RHBDL3: variants seen among roughly 807,000 people sequenced by gnomAD.
RHBDL3 encodes the protein rhomboid-related protein 3.
In RHBDL3, 28 loss-of-function variants were observed where a neutral mutation model predicts 48.2. That is an observed-to-expected ratio of 0.58 (90% confidence interval 0.43 to 0.80). The LOEUF is 0.80. Ranked by LOEUF, RHBDL3 falls within the 30% of genes least tolerant of loss-of-function variation. RHBDL3 has a pLI of 0.00. For synonymous variants in RHBDL3, 208 were observed against 232.3 expected (o/e 0.90, Z 0.95); for missense variants, 464 against 542.7 (o/e 0.85, Z 1.44).
intron 2 of RHBDL3, among the ~76,000 whole-genome samples, chr17:32,273,597 C>T (rs141734444): frequency 6.6e-6 from 1 of 152,216 alleles, no homozygotes; most frequent in South Asian, 2.1e-4. Flanking sequence ...TACCTTCCCC[C>T]CTACGTTGTT....
chr17:32,282,479 A>T (rs971335710), intron 2 of RHBDL3, among the ~76,000 whole-genome samples: 3 of 152,094 alleles, frequency 2.0e-5, no homozygotes, highest in African/African-American at 7.2e-5. Context: ...AGGTGAGAGG[A>T]TTGCCGAGCC....
At chr17:32,273,328 A>G (rs889474501) in intron 2 of RHBDL3, among the ~76,000 whole-genome samples, 4 of 152,200 alleles carry the variant, frequency 2.6e-5, no homozygotes, top group South Asian at 4.1e-4. Flanking sequence ...CAAATGAGGA[A>G]ACAGAAGTCA....
chr17:32,316,289 T>C lies in RHBDL3; in HGVS notation c.940T>C (p.Cys314Arg). ...GCTGCGGATGGCTGTGGCCCTTATC[T>C]GTAGTAAGTACTGATGGGGCGCTGG... ...KLLRMAVALI[C>R]MSMEFGRAVW... Residue 314 changes from cysteine (C) to arginine (R), a missense_variant, in exon 8 of 9, where the codon TGT (cysteine) becomes CGT (arginine). Cys to Arg is a radical substitution (Grantham distance 180, BLOSUM62 -3). Coordinates refer to ENST00000269051, the MANE Select transcript of RHBDL3 (RefSeq NM_138328.3). The C allele has an allele frequency of 1.2e-6, 2 of 1,611,876 alleles. No individual in the cohort carries two copies. Among genetic ancestry groups the C allele is most frequent in the Non-Finnish European group, 1.7e-6 (2 of 1,177,978 alleles).
intron 2 of RHBDL3, among the ~76,000 whole-genome samples, chr17:32,268,134 C>T (rs118103919): frequency 6.6e-6 from 1 of 152,296 alleles, no homozygotes; most frequent in African/African-American, 2.4e-5. Flanking sequence ...CTCCCTCCTG[C>T]CTCCTCCCTA....
chr17:32,321,583 TC>T lies in RHBDL3; in HGVS notation c.*356del. On this transcript the variant is annotated 3_prime_UTR_variant, in exon 9 of 9. Coordinates refer to ENST00000269051, the MANE Select transcript of RHBDL3 (RefSeq NM_138328.3). The stretch of plus-strand genomic sequence containing the variant: ...TGCTGCGGATTGAGCAGCAGCTTCT[TC>T]CTCCTCCTCTACCCTCAGAGACCCT... 1 of 417,000 alleles carries T rather than the reference TC, an allele frequency of 2.4e-6. No homozygotes were observed. The highest frequency in any genetic ancestry group is 4.5e-6 in the Non-Finnish European group (1 of 221,874). The allele number at this position is 417,000 out of a possible 1,614,324, so 25.8% of individuals were successfully genotyped here. A position where few individuals can be genotyped will look rare whatever the true frequency, so the allele number is the denominator to read the frequency against.
At chr17:32,284,978 CTT>C (rs1324144837) in intron 3 of RHBDL3, among the ~76,000 whole-genome samples, 161 bp downstream of exon 3, 2 of 152,230 alleles carry the variant, frequency 1.3e-5, no homozygotes. Context: ...CTCATCTTCT[CTT>C]TGTCTCTAGG....
chr17:32,294,082 T>G (rs1020168705), intron 4 of RHBDL3, among the ~76,000 whole-genome samples: 5 of 149,186 alleles, frequency 3.4e-5, no homozygotes. Context: ...GAACCGAGAT[T>G]GTGCCATTGC....
chr17:32,288,919 A>G lies in RHBDL3; in HGVS notation c.422A>G (p.Tyr141Cys), dbSNP rs764531816. The part of the protein sequence containing the change: ...LSQRLIRHVA[Y>C]ETLPREIDRK... Reference sequence around the variant, plus strand: ...CAGCGACTTATCCGCCATGTGGCCTATGAGACCCTGCCCCGGGAAATTGAC... The same window carrying G: ...CAGCGACTTATCCGCCATGTGGCCTGTGAGACCCTGCCCCGGGAAATTGAC... Residue 141 changes from tyrosine to cysteine, a missense_variant, in exon 4 of 9, where the codon TAT becomes TGT. Tyr to Cys is a radical substitution (Grantham distance 194, BLOSUM62 -2). Coordinates refer to ENST00000269051, the MANE Select transcript of RHBDL3 (RefSeq NM_138328.3). 3.7e-6 allele frequency: 6 copies of G among 1,614,126 alleles called. No homozygotes were observed. The highest frequency in any genetic ancestry group is 2.7e-5 in the African/African-American group (2 of 74,944).
chr17:32,306,238 A>G (rs1350318455), intron 7 of RHBDL3, among the ~76,000 whole-genome samples: 1 of 151,792 alleles, frequency 6.6e-6, no homozygotes, highest in East Asian at 2.0e-4. Flanking sequence ...CCTGGCCAAC[A>G]TGGTGAAACC....
At chr17:32,287,199 G>A (rs538571133) in intron 3 of RHBDL3, among the ~76,000 whole-genome samples, 67 of 152,256 alleles carry the variant, frequency 4.4e-4, no homozygotes, top group Non-Finnish European at 8.1e-4. Context: ...TGTGAGGGAC[G>A]CAGGTGGATG....
chr17:32,294,182 T>C, intron 4 of RHBDL3, 112 bp from the exon 5 acceptor site: 1 of 833,594 alleles, frequency 1.2e-6, no homozygotes, highest in Non-Finnish European at 1.8e-6. Flanking sequence ...TCCCTCTTTC[T>C]CTGAGAAGGA....
intron 4 of RHBDL3, among the ~76,000 whole-genome samples, chr17:32,291,223 C>G (rs1010489138): frequency 3.3e-5 from 5 of 151,678 alleles, no homozygotes; most frequent in Non-Finnish European, 7.4e-5. Context: ...ATCCCAGCTA[C>G]TGGGGAGGCT....
intron 6 of RHBDL3, among the ~76,000 whole-genome samples, chr17:32,303,241 G>A (rs572078906): frequency 1.4e-4 from 21 of 152,206 alleles, no homozygotes; most frequent in Admixed American, 9.2e-4. Context: ...CAGGGGCGAG[G>A]GAGTGGACTC....
At chr17:32,279,873 G>A (rs1201845085) in intron 2 of RHBDL3, among the ~76,000 whole-genome samples, 1 of 152,146 alleles carries the variant, frequency 6.6e-6, no homozygotes, top group Non-Finnish European at 1.5e-5. Context: ...ACTGGGGAAG[G>A]AGCCCCAGAT....
At chr17:32,272,010 G>A (rs939579698) in intron 2 of RHBDL3, among the ~76,000 whole-genome samples, 6 of 152,204 alleles carry the variant, frequency 3.9e-5, no homozygotes, top group African/African-American at 7.2e-5. Flanking sequence ...CTTTGTGATC[G>A]GAGGTAATTA....
intron 7 of RHBDL3, among the ~76,000 whole-genome samples, chr17:32,311,427 G>A (rs548773972): frequency 9.9e-5 from 15 of 152,272 alleles, no homozygotes; most frequent in African/African-American, 2.6e-4. Flanking sequence ...ATTTACTGGC[G>A]TTTTTTCGCT....
intron 7 of RHBDL3, among the ~76,000 whole-genome samples, chr17:32,313,341 G>C (rs2040888010): frequency 6.6e-6 from 1 of 152,158 alleles, no homozygotes; most frequent in Non-Finnish European, 1.5e-5. Context: ...GGTTGGCAGA[G>C]TGAAACCCTG....
intron 2 of RHBDL3, among the ~76,000 whole-genome samples, chr17:32,277,011 C>A (rs2039930422): frequency 6.6e-6 from 1 of 152,222 alleles, no homozygotes; most frequent in Admixed American, 6.5e-5. Context: ...GCACACGTGC[C>A]TGTGCTCATT....
intron 7 of RHBDL3, among the ~76,000 whole-genome samples, chr17:32,315,955 G>A (rs2040963134): frequency 6.6e-6 from 1 of 151,930 alleles, no homozygotes; most frequent in African/African-American, 2.4e-5. Flanking sequence ...GCAGCTCTGA[G>A]ATGTTCTCTG....
Sources: gnomAD v4.1 joint callset for allele counts (sites outside exome capture counted in the v4.1 genomes callset) on GRCh38, gnomAD v4.1.1 for gene constraint, MANE v1.5 for transcripts, NCBI Gene and HGNC (gene_info 2026-07-23, HGNC 2026-07-21) for gene names.